STK32B: variants seen among roughly 807,000 people sequenced by gnomAD.
STK32B encodes the protein serine/threonine kinase 32B.
STK32B carries 43 observed loss-of-function variants against 52.6 expected under a neutral mutation model. That is an observed-to-expected ratio of 0.82 (90% CI 0.64 to 1.05). The LOEUF (loss-of-function observed/expected upper bound fraction) is 1.05. Ranked by LOEUF, STK32B falls within the 50% of genes least tolerant of loss-of-function variation. The pLI is 0.00. For synonymous variants in STK32B, 238 were observed against 204.3 expected, an observed-to-expected ratio of 1.17 and a Z score of -1.41; for missense variants, 621 against 534.6, an observed-to-expected ratio of 1.16 and a Z score of -1.59.
At chr4:5,193,486 A>G (rs1721395989) in intron 3 of STK32B, among the ~76,000 whole-genome samples, 2 of 152,058 alleles carry the variant, frequency 1.3e-5, no homozygotes, top group Admixed American at 1.3e-4. Context: ...AGCATCTCCC[A>G]CCATGGACCT....
chr4:5,495,738 G>A (rs910453759), intron 11 of STK32B, among the ~76,000 whole-genome samples: 4 of 152,146 alleles, frequency 2.6e-5, no homozygotes, highest in African/African-American at 4.8e-5. Flanking sequence ...TGATGGTGAT[G>A]TACAGATGGG....
intron 3 of STK32B, among the ~76,000 whole-genome samples, chr4:5,254,484 T>A (rs1315111135): frequency 6.6e-6 from 1 of 152,226 alleles, no homozygotes; most frequent in Non-Finnish European, 1.5e-5. Flanking sequence ...ACATTGTTGA[T>A]TTTCAGCATT....
At chr4:5,466,403 G>A (rs1717437234) in intron 9 of STK32B, among the ~76,000 whole-genome samples, 1 of 152,174 alleles carries the variant, frequency 6.6e-6, no homozygotes, top group Non-Finnish European at 1.5e-5. Context: ...GAAAAAATCA[G>A]ATTCGAAAAC....
intron 1 of STK32B, among the ~76,000 whole-genome samples, chr4:5,073,907 A>G (rs1011692120): frequency 1.3e-5 from 2 of 151,478 alleles, no homozygotes; most frequent in African/African-American, 2.4e-5. Flanking sequence ...TTTATCTTTT[A>G]TCAGTTTCCC....
chr4:5,225,750 C>T (rs1454894447), intron 3 of STK32B, among the ~76,000 whole-genome samples: 2 of 152,192 alleles, frequency 1.3e-5, no homozygotes, highest in Non-Finnish European at 2.9e-5. Flanking sequence ...AAGGAAGGAA[C>T]AAGAGCACCT....
At chr4:5,116,277 G>A (rs919359600) in intron 1 of STK32B, among the ~76,000 whole-genome samples, 5 of 152,098 alleles carry the variant, frequency 3.3e-5, no homozygotes, top group Admixed American at 2.0e-4. Context: ...AGTCACACAG[G>A]CTCTGTACTT....
intron 3 of STK32B, among the ~76,000 whole-genome samples, chr4:5,194,134 T>A (rs1721454945): frequency 6.6e-6 from 1 of 152,194 alleles, no homozygotes; most frequent in Non-Finnish European, 1.5e-5. Flanking sequence ...CCCCTTTTCA[T>A]CTCTGATGTT....
intron 6 of STK32B, among the ~76,000 whole-genome samples, chr4:5,423,766 G>A (rs1315769250): frequency 6.6e-6 from 1 of 152,138 alleles, no homozygotes; most frequent in Non-Finnish European, 1.5e-5. Context: ...CCTTCCCCCA[G>A]GACACTGCAG....
Position 5,279,405 on chromosome 4 carries a change from G to T in STK32B, c.261-51815G>T, listed in dbSNP as rs542194280. On this transcript the variant is annotated intron_variant, in intron 3 of 11. Transcript: ENST00000282908. ...CCTCGACTCCATGATTCACATCCAG[G>T]CCACACTGATGCAAAGGACGGGCTT... Among the ~76,000 whole-genome samples, 26 of 152,124 alleles carry T rather than the reference G, an allele frequency of 1.7e-4. 1 individual carries two copies. The East Asian group carries it at 5.0e-3, about 29-fold the overall frequency.
At chr4:5,223,649 C>T (rs1044371177) in intron 3 of STK32B, among the ~76,000 whole-genome samples, 6 of 151,402 alleles carry the variant, frequency 4.0e-5, no homozygotes, top group African/African-American at 4.8e-5. Context: ...CTGTCTCTAC[C>T]AAAAATACAA....
At chr4:5,302,877 C>T (rs148765790) in intron 3 of STK32B, among the ~76,000 whole-genome samples, 205 of 152,088 alleles carry the variant, frequency 1.3e-3, no homozygotes, top group African/African-American at 4.5e-3. Context: ...TCCTGAGTTA[C>T]TTCACTTAGA....
intron 11 of STK32B, among the ~76,000 whole-genome samples, chr4:5,493,474 T>A (rs1376690236): frequency 6.6e-6 from 1 of 152,210 alleles, no homozygotes; most frequent in Non-Finnish European, 1.5e-5. Context: ...TCTCTTTTCT[T>A]CTTTATTAGT....
At chr4:5,229,049 A>T (rs1464475913) in intron 3 of STK32B, among the ~76,000 whole-genome samples, 1 of 152,208 alleles carries the variant, frequency 6.6e-6, no homozygotes, top group Non-Finnish European at 1.5e-5. Flanking sequence ...AACAATATAT[A>T]TACCTTAATT....
intron 2 of STK32B, among the ~76,000 whole-genome samples, chr4:5,160,911 C>T (rs916904745): frequency 5.3e-5 from 8 of 152,124 alleles, no homozygotes; most frequent in African/African-American, 1.9e-4. Flanking sequence ...TGAGCACAGC[C>T]TGAAGGAGGC....
chr4:5,091,509 T>C (rs1361638414), intron 1 of STK32B, among the ~76,000 whole-genome samples: 1 of 151,918 alleles, frequency 6.6e-6, no homozygotes, highest in Non-Finnish European at 1.5e-5. Context: ...AAAATGTAAA[T>C]CAAACCCACA....
chr4:5,252,348 C>T (rs79498859), intron 3 of STK32B, among the ~76,000 whole-genome samples: 2,547 of 152,270 alleles, frequency 0.017, 74 homozygotes, highest in African/African-American at 0.057. Flanking sequence ...AGATCAATTT[C>T]GGTGTTCCTG....
At chr4:5,185,773 C>G (rs1007036820) in intron 3 of STK32B, among the ~76,000 whole-genome samples, 1 of 152,200 alleles carries the variant, frequency 6.6e-6, no homozygotes, top group African/African-American at 2.4e-5. Flanking sequence ...CTGTGCCTAC[C>G]ACGCCTCTGC....
intron 2 of STK32B, among the ~76,000 whole-genome samples, chr4:5,143,101 CTCTG>C (rs3072779): frequency 0.028 from 3,861 of 135,674 alleles, 66 homozygotes; most frequent in South Asian, 0.06. Flanking sequence ...CTGTCTCTGT[CTCTG>C]TCTGTCTGTC....
chr4:5,289,614 G>A (rs190316020), intron 3 of STK32B, among the ~76,000 whole-genome samples: 1 of 150,866 alleles, frequency 6.6e-6, no homozygotes, highest in East Asian at 2.0e-4. Flanking sequence ...CACCTCCCGG[G>A]TTCACGCCAT....
Sources: gnomAD v4.1 joint callset for allele counts (sites outside exome capture counted in the v4.1 genomes callset) on GRCh38, gnomAD v4.1.1 for gene constraint, MANE v1.5 for transcripts, NCBI Gene and HGNC (gene_info 2026-07-23, HGNC 2026-07-21) for gene names.